TBCD: variants seen among roughly 807,000 people sequenced by gnomAD.
TBCD encodes tubulin folding cofactor D, also known as tubulin-specific chaperone D.
TBCD carries 105 observed loss-of-function variants against 169.3 expected under a neutral mutation model. The ratio of observed to expected loss-of-function variants is 0.62; its 90% CI spans 0.53 to 0.73. TBCD has a LOEUF of 0.73. TBCD is among the 30% of genes least tolerant of loss of function. The probability of loss-of-function intolerance (pLI) is 0.00; values close to 1 mark genes in which losing one functional copy is unlikely to be tolerated. For synonymous variants in TBCD, 700 were observed against 643.9 expected (o/e 1.09, Z -1.32); for missense variants, 1,444 against 1,600.1 (o/e 0.90, Z 1.66).
intron 30 of TBCD, 66 bp from the exon 31 acceptor site, chr17:82,929,047 C>G: frequency 6.4e-7 from 1 of 1,560,240 alleles, no homozygotes; most frequent in Non-Finnish European, 8.7e-7. Flanking sequence ...ACCGCCTGTG[C>G]TCAGTTTACC....
intron 13 of TBCD, among the ~76,000 whole-genome samples, chr17:82,846,366 GTGTCCCATGTGC>G (rs2055114446): frequency 6.6e-6 from 1 of 151,386 alleles, no homozygotes; most frequent in African/African-American, 2.4e-5. Context: ...TCCATGCGCT[GTGTCCCATGTGC>G]CGTGTCCTCT....
intron 17 of TBCD, among the ~76,000 whole-genome samples, chr17:82,900,385 G>A (rs536815786): frequency 1.6e-4 from 25 of 152,266 alleles, no homozygotes; most frequent in Middle Eastern, 3.4e-3. Flanking sequence ...GATCAACCAC[G>A]GTTTGTTTTC....
chr17:82,884,351 G>A lies in TBCD; in HGVS notation c.1533+149G>A. ...CTGCTGAGAGTGCCAGCTGCGGGCA[G>A]GCCACTGGTTCTTACTGTCTCTGGG... On this transcript the variant is annotated intron_variant, in intron 15 of 38. Transcript: ENST00000355528. This position sits in a 1 kb window ranked among gnomAD's most constrained non-coding sequence, Gnocchi z 4.2. 2 of 742,152 alleles carry A rather than the reference G, an allele frequency of 2.7e-6. No individual in the cohort carries two copies. The highest frequency in any genetic ancestry group is 4.6e-6 in the Non-Finnish European group (2 of 433,290). 46.0% of individuals were successfully genotyped at this position (742,152 alleles called of 1,614,324 possible). A position where few individuals can be genotyped will look rare whatever the true frequency, so the allele number is the denominator to read the frequency against.
intron 14 of TBCD, among the ~76,000 whole-genome samples, chr17:82,872,712 T>C (rs2057672387): frequency 6.6e-6 from 1 of 152,274 alleles, no homozygotes. Flanking sequence ...CGTTGATATC[T>C]CATTCAGTTT....
intron 3 of TBCD, among the ~76,000 whole-genome samples, chr17:82,765,559 G>A (rs2047977160): frequency 1.3e-5 from 2 of 152,196 alleles, no homozygotes; most frequent in South Asian, 2.1e-4. Context: ...GTTGTCTGGC[G>A]GGAAAGTCCT....
intron 15 of TBCD, among the ~76,000 whole-genome samples, chr17:82,885,518 C>T (rs898155405): frequency 3.9e-5 from 6 of 152,154 alleles, no homozygotes; most frequent in East Asian, 3.8e-4. Flanking sequence ...CTTATTTTGT[C>T]TTCAGCATCA....
chr17:82,929,754 G>A, intron 32 of TBCD: 1 of 611,236 alleles, frequency 1.6e-6, no homozygotes, highest in Non-Finnish European at 2.9e-6. Flanking sequence ...CGCAGCCTTG[G>A]AGCTCCCAGC....
chr17:82,875,036 C>T (rs1685587689), intron 14 of TBCD, among the ~76,000 whole-genome samples: 1 of 152,190 alleles, frequency 6.6e-6, no homozygotes, highest in African/African-American at 2.4e-5. Context: ...CCTGGCTCTT[C>T]TGAGAGTCAG....
At chr17:82,775,925 A>C (rs755838657) in intron 6 of TBCD, among the ~76,000 whole-genome samples, 1 of 152,132 alleles carries the variant, frequency 6.6e-6, no homozygotes, top group African/African-American at 2.4e-5. Flanking sequence ...CCTTTAATAG[A>C]TATGCCTTTC....
At position 82,877,060 on chromosome 17, in the gene TBCD, A is replaced by G. The variant is rs1162059878; in HGVS notation, c.1475+6680A>G. On this transcript the variant is annotated intron_variant, in intron 14 of 38. Coordinates refer to ENST00000355528, the MANE Select transcript of TBCD (RefSeq NM_005993.5). ...TTAATCAATGTTCCACACTTTAAATATAGTAATTTAAACAAATAACACATT... is the reference window on the plus strand; with the variant it reads ...TTAATCAATGTTCCACACTTTAAATGTAGTAATTTAAACAAATAACACATT... The G allele has an allele frequency of 5.0e-6, 4 of 792,204 alleles. No individual in the cohort carries two copies. The African/African-American group carries it at 5.6e-5, about 11-fold the overall frequency. 49.1% of individuals were successfully genotyped at this position (792,204 alleles called of 1,614,324 possible). A position where few individuals can be genotyped will look rare whatever the true frequency, so the allele number is the denominator to read the frequency against.
At chr17:82,768,705 A>G (rs1397915449) in intron 5 of TBCD, 139 bp downstream of exon 5, 1 of 938,526 alleles carries the variant, frequency 1.1e-6, no homozygotes, top group East Asian at 2.7e-5. Flanking sequence ...ATCCCATAGG[A>G]TAACTTATTT....
chr17:82,930,233 C>G lies in TBCD; in HGVS notation c.2992-289C>G. 2.3e-6 allele frequency: 1 copy of G among 433,176 alleles called. No homozygotes were observed. The highest frequency in any genetic ancestry group is 4.2e-6 in the Non-Finnish European group (1 of 240,272). 26.8% of individuals were successfully genotyped at this position (433,176 alleles called of 1,614,324 possible). A position where few individuals can be genotyped will look rare whatever the true frequency, so the allele number is the denominator to read the frequency against. ...ATCCCGCTTCAGTGGGAAACGTGAGCGAAACCCAAGGTGAGTGGCCGCAGC... is the reference window on the plus strand; with the variant it reads ...ATCCCGCTTCAGTGGGAAACGTGAGGGAAACCCAAGGTGAGTGGCCGCAGC... On this transcript the variant is annotated intron_variant, in intron 32 of 38. Coordinates refer to ENST00000355528, the MANE Select transcript of TBCD (RefSeq NM_005993.5). The surrounding 1 kb of genome is among the most constrained non-coding windows in gnomAD (Gnocchi z 5.2).
intron 2 of TBCD, among the ~76,000 whole-genome samples, chr17:82,758,318 A>C (rs572429232): frequency 7.3e-6 from 1 of 137,722 alleles, no homozygotes; most frequent in South Asian, 2.5e-4. Context: ...CAGGAGGCAG[A>C]GGTTGCAGTG....
At chr17:82,781,415 G>T (rs1371237607) in intron 6 of TBCD, among the ~76,000 whole-genome samples, 174 bp from the exon 7 acceptor site, 2 of 151,886 alleles carry the variant, frequency 1.3e-5, no homozygotes, top group Admixed American at 6.6e-5. Context: ...TTCTAGGGTT[G>T]GAGAGAGGAG....
At chr17:82,840,756 C>G (rs891878534) in intron 13 of TBCD, among the ~76,000 whole-genome samples, 4 of 140,176 alleles carry the variant, frequency 2.9e-5, no homozygotes, top group Admixed American at 6.9e-5. Flanking sequence ...TACCTCCACA[C>G]CCCCCCACCA....
chr17:82,924,876 C>A, intron 26 of TBCD, 63 bp from the exon 27 acceptor site: 2 of 1,342,486 alleles, frequency 1.5e-6, no homozygotes, highest in Admixed American at 2.0e-5. Flanking sequence ...GGGCACACGT[C>A]GGGTGTGGCT....
rs747441636 is a variant in TBCD, at chr17:82,789,951, C to G, written c.772-7806C>G. ...ACGGCCCAGGAGCCGGGCTCATCCCCGAGACGCCGTGTTCCCTCCCGCTGT... is the reference window on the plus strand; with the variant it reads ...ACGGCCCAGGAGCCGGGCTCATCCCGGAGACGCCGTGTTCCCTCCCGCTGT... On this transcript the variant is annotated intron_variant, in intron 7 of 38. Coordinates refer to ENST00000355528, the MANE Select transcript of TBCD (RefSeq NM_005993.5). This position sits in a 1 kb window ranked among gnomAD's most constrained non-coding sequence, Gnocchi z 4.8. 2.6e-5 allele frequency among the ~76,000 whole-genome samples: 4 copies of G among 152,324 alleles called. No individual in the cohort carries two copies. The highest frequency in any genetic ancestry group is 1.9e-4 in the East Asian group (1 of 5,172).
At chr17:82,793,839 C>T (rs890983334) in intron 7 of TBCD, among the ~76,000 whole-genome samples, 17 of 152,088 alleles carry the variant, frequency 1.1e-4, no homozygotes, top group East Asian at 5.8e-4. Context: ...GCTGAGCCTG[C>T]GGGGGCACGG....
intron 13 of TBCD, among the ~76,000 whole-genome samples, chr17:82,862,866 G>A (rs538837077): frequency 6.6e-6 from 1 of 152,344 alleles, no homozygotes; most frequent in Admixed American, 6.5e-5. Context: ...GTAGGGCCAG[G>A]TGTCTGTCCT....
Sources: gnomAD v4.1 joint callset for allele counts (sites outside exome capture counted in the v4.1 genomes callset) on GRCh38, gnomAD v4.1.1 for gene constraint, Gnocchi (gnomAD v3.1) non-coding constraint, MANE v1.5 for transcripts, NCBI Gene and HGNC (gene_info 2026-07-23, HGNC 2026-07-21) for gene names.